GRM8: variants seen among roughly 807,000 people sequenced by gnomAD.
GRM8 encodes glutamate metabotropic receptor 8.
In GRM8, 47 loss-of-function variants were observed where a neutral mutation model predicts 87.2. That is an observed-to-expected ratio of 0.54 (90% CI 0.43 to 0.69). The LOEUF is 0.69. GRM8 is among the 30% of genes least tolerant of loss of function. GRM8 has a pLI of 0.00. For synonymous variants in GRM8, 396 were observed against 404.5 expected (o/e 0.98, Z 0.25); for missense variants, 1,019 against 1,139.2 (o/e 0.89, Z 1.52).
chr7:126,796,832 T>C (rs2283071), intron 6 of GRM8, among the ~76,000 whole-genome samples: 56,745 of 151,836 alleles, frequency 0.37, 11,836 homozygotes, highest in Non-Finnish European at 0.47. Flanking sequence ...AGAAACAATT[T>C]TGGAGGACCC....
chr7:127,243,312 G>A lies in GRM8; in HGVS notation c.-108C>T, dbSNP rs1405050409. On this transcript the variant is annotated 5_prime_UTR_variant, in exon 2 of 11. Coordinates refer to ENST00000339582, the MANE Select transcript of GRM8 (RefSeq NM_000845.3). ...TCTGGAGGCTACCATCAGGGCCCAT[G>A]GGGAAAAGGCTCTGTGGGCATTAGC... 1.2e-5 allele frequency: 12 copies of A among 975,368 alleles called. No homozygotes were observed. The Admixed American group carries it at 1.4e-4, about 11-fold the overall frequency. The allele number at this position is 975,368 out of a possible 1,614,324, so 60.4% of individuals were successfully genotyped here. A position where few individuals can be genotyped will look rare whatever the true frequency, so the allele number is the denominator to read the frequency against.
intron 3 of GRM8, among the ~76,000 whole-genome samples, chr7:127,044,698 G>A (rs1161719439): frequency 6.6e-6 from 1 of 152,034 alleles, no homozygotes; most frequent in Non-Finnish European, 1.5e-5. Flanking sequence ...GCAGGCTGAG[G>A]GCAATATAAT....
At chr7:126,514,250 C>T (rs1253099795) in intron 9 of GRM8, among the ~76,000 whole-genome samples, 1 of 152,070 alleles carries the variant, frequency 6.6e-6, no homozygotes, top group Non-Finnish European at 1.5e-5. Flanking sequence ...AACAAGAAAT[C>T]TGATATTACT....
intron 6 of GRM8, among the ~76,000 whole-genome samples, chr7:126,856,969 A>G (rs923773338): frequency 2.6e-5 from 4 of 152,220 alleles, no homozygotes; most frequent in African/African-American, 9.6e-5. Context: ...CTCTGAGACT[A>G]GATTCTTGAT....
chr7:127,130,466 G>C (rs562195063), intron 2 of GRM8, among the ~76,000 whole-genome samples: 1 of 152,312 alleles, frequency 6.6e-6, no homozygotes, highest in African/African-American at 2.4e-5. Context: ...GGTGGTCTCA[G>C]ATGGAAATAA....
chr7:126,520,074 C>T (rs1245990648), intron 9 of GRM8, among the ~76,000 whole-genome samples: 1 of 151,542 alleles, frequency 6.6e-6, no homozygotes, highest in African/African-American at 2.4e-5. Context: ...AAGCCTGAGA[C>T]CTATGGACAA....
At chr7:127,139,314 A>G (rs1445962527) in intron 2 of GRM8, among the ~76,000 whole-genome samples, 1 of 152,110 alleles carries the variant, frequency 6.6e-6, no homozygotes, top group Non-Finnish European at 1.5e-5. Flanking sequence ...ACCACAGAAA[A>G]GAGATAACAA....
chr7:126,588,247 C>G (rs1796347543), intron 8 of GRM8, among the ~76,000 whole-genome samples: 1 of 152,140 alleles, frequency 6.6e-6, no homozygotes, highest in Non-Finnish European at 1.5e-5. Flanking sequence ...TTAATGAAGT[C>G]TTGGATACTC....
At chr7:127,141,911 T>C (rs1828292277) in intron 2 of GRM8, among the ~76,000 whole-genome samples, 2 of 152,000 alleles carry the variant, frequency 1.3e-5, no homozygotes, top group Admixed American at 6.6e-5. Flanking sequence ...CCCACTGGAG[T>C]GCAGCAAATG....
chr7:127,076,249 A>G (rs770551372), intron 3 of GRM8: 13 of 455,334 alleles, frequency 2.9e-5, no homozygotes, highest in South Asian at 1.4e-4. Context: ...GAGGACAAGG[A>G]AAGAAAAATG....
chr7:126,860,144 C>T (rs1186059900), intron 6 of GRM8, among the ~76,000 whole-genome samples: 1 of 152,056 alleles, frequency 6.6e-6, no homozygotes, highest in African/African-American at 2.4e-5. Flanking sequence ...TATGATGGAG[C>T]CTAGATTCCT....
At chr7:127,098,888 A>G (rs1252463387) in intron 3 of GRM8, among the ~76,000 whole-genome samples, 2 of 152,202 alleles carry the variant, frequency 1.3e-5, no homozygotes, top group African/African-American at 4.8e-5. Context: ...ATTCATAAAC[A>G]TGATGACTGA....
intron 3 of GRM8, among the ~76,000 whole-genome samples, chr7:126,958,096 C>T (rs1808928797): frequency 1.3e-5 from 2 of 152,144 alleles, no homozygotes; most frequent in South Asian, 4.1e-4. Context: ...GTTGAGGTGA[C>T]CTGCCTGCAG....
At chr7:126,459,526 T>C (rs2237730) in intron 9 of GRM8, among the ~76,000 whole-genome samples, 93,947 of 151,376 alleles carry the variant, frequency 0.62, 29,343 homozygotes, top group Middle Eastern at 0.75. Flanking sequence ...TCAGAATTAG[T>C]GATGCAAGTG....
intron 2 of GRM8, among the ~76,000 whole-genome samples, chr7:127,156,130 A>C (rs1792714019): frequency 6.6e-6 from 1 of 152,184 alleles, no homozygotes; most frequent in Admixed American, 6.5e-5. Context: ...GCAAGCGTGG[A>C]AGAAAAGTGG....
chr7:127,214,332 T>C, intron 2 of GRM8, among the ~76,000 whole-genome samples: 1 of 152,240 alleles, frequency 6.6e-6, no homozygotes, highest in East Asian at 1.9e-4. Flanking sequence ...CATTAATTTA[T>C]GGAAATTCAT....
At chr7:127,128,768 T>C (rs1488430416) in intron 2 of GRM8, among the ~76,000 whole-genome samples, 1 of 152,150 alleles carries the variant, frequency 6.6e-6, no homozygotes, top group Non-Finnish European at 1.5e-5. Flanking sequence ...TCTGTGATAC[T>C]ATATAGTTTC....
chr7:126,717,510 A>G (rs1811889918), intron 7 of GRM8, among the ~76,000 whole-genome samples: 1 of 152,130 alleles, frequency 6.6e-6, no homozygotes, highest in Non-Finnish European at 1.5e-5. Context: ...ACATACAACT[A>G]TGGACAAAGC....
At chr7:127,002,122 T>C (rs1272578061) in intron 3 of GRM8, among the ~76,000 whole-genome samples, 1 of 151,602 alleles carries the variant, frequency 6.6e-6, no homozygotes, top group African/African-American at 2.4e-5. Context: ...TGGTGGTGGT[T>C]ACATAAGTGT....
Sources: allele counts gnomAD v4.1 joint callset (sites outside exome capture counted in the v4.1 genomes callset), GRCh38; gene constraint gnomAD v4.1.1; transcripts MANE v1.5; gene names NCBI Gene and HGNC (gene_info 2026-07-23, HGNC 2026-07-21).